Variants in SASH1 observed in about 807,000 individuals in gnomAD.
SASH1 encodes SAM and SH3 domain containing 1, also known as SAM and SH3 domain-containing protein 1.
A neutral mutation model predicts 125.2 loss-of-function variants in SASH1; 44 were observed. The observed-to-expected ratio is 0.35, with a 90% CI of 0.28 to 0.45. The LOEUF is 0.45. Ranked by LOEUF, SASH1 falls within the 20% of genes least tolerant of loss-of-function variation. SASH1 has a pLI of 1.00. For missense variants in SASH1, 1,426 were observed against 1,614.5 expected (o/e 0.88, Z 2.00); for synonymous variants, 639 against 649.1 (o/e 0.98, Z 0.24).
intron 1 of SASH1, among the ~76,000 whole-genome samples, chr6:148,303,768 G>A (rs555793676): frequency 8.7e-5 from 13 of 149,934 alleles, no homozygotes; most frequent in African/African-American, 2.9e-4. Flanking sequence ...GCACTCCAGC[G>A]ACTCTGTCTC....
chr6:148,387,672 CTTT>C, intron 1 of SASH1, among the ~76,000 whole-genome samples: 1 of 82,510 alleles, frequency 1.2e-5, no homozygotes, highest in East Asian at 2.8e-4. Context: ...TTCTTTCTTT[CTTT>C]CTTTCTTTCT....
At chr6:148,342,390 C>T (rs1055206039), upstream of SASH1, among the ~76,000 whole-genome samples, 2 of 152,146 alleles carry the variant, frequency 1.3e-5, no homozygotes, top group African/African-American at 2.4e-5. Flanking sequence ...CTCGGGTTTC[C>T]GTTACCAAAA....
chr6:148,298,076 G>C (rs945147858), intron 1 of SASH1, among the ~76,000 whole-genome samples: 2 of 148,854 alleles, frequency 1.3e-5, no homozygotes, highest in African/African-American at 5.0e-5. Flanking sequence ...GCACGGTCTT[G>C]GCTCGCTGCA....
intron 1 of SASH1, among the ~76,000 whole-genome samples, chr6:148,296,560 G>T (rs993020576): frequency 6.6e-6 from 1 of 152,108 alleles, no homozygotes; most frequent in African/African-American, 2.4e-5. Flanking sequence ...TTGTATTCAT[G>T]GCCCCATTTT....
intron 1 of SASH1, among the ~76,000 whole-genome samples, chr6:148,294,397 G>C (rs901996989): frequency 1.3e-5 from 2 of 152,158 alleles, no homozygotes; most frequent in African/African-American, 4.8e-5. Flanking sequence ...TGAGACTCTG[G>C]ACAAATGACT....
intron 1 of SASH1, among the ~76,000 whole-genome samples, chr6:148,326,871 T>TG (rs1780844555): frequency 6.6e-6 from 1 of 152,266 alleles, no homozygotes; most frequent in East Asian, 1.9e-4. Flanking sequence ...GCTTGGCATA[T>TG]GGGGCCATAC....
intron 16 of SASH1, among the ~76,000 whole-genome samples, chr6:148,539,011 C>G (rs1427059448): frequency 2.0e-5 from 3 of 151,960 alleles, no homozygotes; most frequent in Admixed American, 2.0e-4. Context: ...CCGGGTGATG[C>G]TGCTAGGGTG....
chr6:148,325,173 C>T (rs111520531), intron 1 of SASH1, among the ~76,000 whole-genome samples: 9,857 of 152,162 alleles, frequency 0.065, 404 homozygotes, highest in South Asian at 0.16. Context: ...AGAAAACTTA[C>T]AATCATTGCG....
At chr6:148,407,093 G>A (rs560986212) in intron 2 of SASH1, among the ~76,000 whole-genome samples, 5 of 151,904 alleles carry the variant, frequency 3.3e-5, no homozygotes, top group East Asian at 1.9e-4. Context: ...TATACATAAC[G>A]TAAAATTTAC....
At chr6:148,367,277 A>G (rs1782506815) in intron 1 of SASH1, among the ~76,000 whole-genome samples, 1 of 152,196 alleles carries the variant, frequency 6.6e-6, no homozygotes. Flanking sequence ...ATCGCGGTTT[A>G]TAATTATGCT....
chr6:148,270,457 G>A (rs1779036378), upstream of SASH1, among the ~76,000 whole-genome samples: 1 of 152,112 alleles, frequency 6.6e-6, no homozygotes, highest in Admixed American at 6.6e-5. Context: ...ATTAAAATTG[G>A]GGAGTTATGC....
intron 1 of SASH1, among the ~76,000 whole-genome samples, chr6:148,372,260 C>A (rs574125973): frequency 6.6e-6 from 1 of 152,286 alleles, no homozygotes; most frequent in African/African-American, 2.4e-5. Flanking sequence ...TTGGTAGTGG[C>A]TGTTTTGCAA....
chr6:148,471,571 A>T (rs1778120752), intron 6 of SASH1, 68 bp downstream of exon 6: 1 of 917,018 alleles, frequency 1.1e-6, no homozygotes, highest in Non-Finnish European at 1.8e-6. Flanking sequence ...CTATGCGGCT[A>T]ATCTCAGTGG....
chr6:148,394,168 C>T (rs1783850762), intron 2 of SASH1, among the ~76,000 whole-genome samples: 1 of 152,070 alleles, frequency 6.6e-6, no homozygotes, highest in African/African-American at 2.4e-5. Context: ...GCTGGGATTA[C>T]AGGCGTGAGT....
intron 1 of SASH1, among the ~76,000 whole-genome samples, chr6:148,317,385 T>C (rs1264658532): frequency 2.6e-5 from 4 of 152,202 alleles, no homozygotes; most frequent in African/African-American, 4.8e-5. Flanking sequence ...TGAATATTTG[T>C]TATTATTTAG....
intron 1 of SASH1, among the ~76,000 whole-genome samples, chr6:148,323,915 A>T (rs1238949340): frequency 6.6e-6 from 1 of 152,010 alleles, no homozygotes; most frequent in Non-Finnish European, 1.5e-5. Context: ...TCACGAGGTC[A>T]GGAGATCGAG....
the SASH1 span, among the ~76,000 whole-genome samples, chr6:148,217,669 G>A: frequency 6.6e-6 from 1 of 151,874 alleles, no homozygotes; most frequent in African/African-American, 2.4e-5. Context: ...TGCTTCCAGC[G>A]CAGGCCCAGG....
intron 8 of SASH1, among the ~76,000 whole-genome samples, chr6:148,505,022 T>C (rs369923348): frequency 5.3e-5 from 8 of 152,326 alleles, no homozygotes; most frequent in African/African-American, 1.7e-4. Flanking sequence ...AATCAGTGCA[T>C]GAACTTCATG....
intron 1 of SASH1, among the ~76,000 whole-genome samples, chr6:148,282,573 G>A (rs1418049914): frequency 1.3e-5 from 2 of 151,986 alleles, no homozygotes; most frequent in Non-Finnish European, 2.9e-5. Flanking sequence ...ATAGAGACGG[G>A]GTTTCACTGT....
Sources: allele counts gnomAD v4.1 joint callset (sites outside exome capture counted in the v4.1 genomes callset), GRCh38; gene constraint gnomAD v4.1.1; transcripts MANE v1.5; gene names NCBI Gene and HGNC (gene_info 2026-07-23, HGNC 2026-07-21).